The following CSMD1 variants were observed in gnomAD, a reference collection of about 807,000 sequenced individuals.
The protein encoded by CSMD1 is CUB and Sushi multiple domains 1.
CSMD1 carries 213 observed loss-of-function variants against 417.5 expected under a neutral mutation model. The ratio of observed to expected loss-of-function variants is 0.51; its 90% CI spans 0.46 to 0.57. The LOEUF (loss-of-function observed/expected upper bound fraction) is 0.57, where lower values mean the gene tolerates loss of function less well. Among genes scored for constraint, CSMD1 ranks in the 20% least tolerant of loss-of-function variants. The pLI is 0.00. For synonymous variants in CSMD1, 2,862 were observed against 1,736.8 expected (o/e 1.65, Z -16.11); for missense variants, 6,923 against 4,529.7 (o/e 1.53, Z -15.17).
At chr8:4,907,506 G>T (rs1266304186) in intron 1 of CSMD1, among the ~76,000 whole-genome samples, 1 of 118,566 alleles carries the variant, frequency 8.4e-6, no homozygotes, top group African/African-American at 2.6e-5. Context: ...CATCTTACTA[G>T]AATTAAATGG....
At position 4,041,285 on chromosome 8, in the gene CSMD1, G is replaced by C. The variant is rs1230171310; in HGVS notation, c.416-9186C>G. Among the ~76,000 whole-genome samples, 6 of 138,374 alleles carry C rather than the reference G, an allele frequency of 4.3e-5. No individual in the cohort carries two copies. The East Asian group carries it at 1.1e-3, about 25-fold the overall frequency. 90.8% of individuals were successfully genotyped at this position (138,374 alleles called of 152,430 possible). A position where few individuals can be genotyped will look rare whatever the true frequency, so the allele number is the denominator to read the frequency against. On this transcript the variant is annotated intron_variant, in intron 3 of 69. Coordinates refer to ENST00000635120, the MANE Select transcript of CSMD1 (RefSeq NM_033225.6). ...GCCCGCCTCGGCCTCCCAAAGTACG[G>C]GGATTACATGCGTGAGCCACCGCGC...
At chr8:3,254,737 C>T (rs918699380) in intron 26 of CSMD1, among the ~76,000 whole-genome samples, 5 of 152,112 alleles carry the variant, frequency 3.3e-5, no homozygotes, top group African/African-American at 9.7e-5. Context: ...CCTTTAAGGA[C>T]TTCTGTGCAT....
At chr8:4,093,538 C>T (rs560211644) in intron 3 of CSMD1, among the ~76,000 whole-genome samples, 2 of 152,222 alleles carry the variant, frequency 1.3e-5, no homozygotes, top group East Asian at 1.9e-4. Context: ...TTACATACTA[C>T]GAGTTTTCTC....
chr8:4,457,422 T>A (rs1799555588), intron 2 of CSMD1, among the ~76,000 whole-genome samples: 1 of 151,644 alleles, frequency 6.6e-6, no homozygotes, highest in South Asian at 2.1e-4. Context: ...CTCAGGGGAG[T>A]GACAGGGAAA....
intron 3 of CSMD1, among the ~76,000 whole-genome samples, chr8:4,152,204 A>G (rs944332181): frequency 1.3e-5 from 2 of 152,190 alleles, no homozygotes; most frequent in African/African-American, 4.8e-5. Context: ...TTTGGAGAAG[A>G]AGGAACACCA....
chr8:3,382,766 G>C (rs969320506), intron 18 of CSMD1, among the ~76,000 whole-genome samples: 1 of 151,448 alleles, frequency 6.6e-6, no homozygotes, highest in African/African-American at 2.4e-5. Flanking sequence ...ATATTACATG[G>C]AGAATGCAAC....
chr8:3,671,528 C>CATATATATAT (rs1278729666), intron 7 of CSMD1, among the ~76,000 whole-genome samples: 1 of 50,222 alleles, frequency 2.0e-5, no homozygotes, highest in Non-Finnish European at 4.5e-5. Context: ...TATATATGAT[C>CATATATATAT]ATATATATAT....
chr8:3,437,624 C>A (rs1439800480), intron 12 of CSMD1, among the ~76,000 whole-genome samples: 1 of 152,172 alleles, frequency 6.6e-6, no homozygotes, highest in African/African-American at 2.4e-5. Flanking sequence ...CTCTTCTTTA[C>A]ATAGAAGATG....
rs769404370 is a variant in CSMD1 at position 3,407,945 on chromosome 8, C to A, written c.2025G>T (p.Gln675His). The A allele has an allele frequency of 3.7e-6, 6 of 1,613,498 alleles. No individual in the cohort carries two copies. Among genetic ancestry groups the A allele is most frequent in the Admixed American group, 1.7e-5 (1 of 59,966 alleles). Residue 675 changes from glutamine (Q) to histidine (H), a missense_variant, in exon 14 of 70, where the codon CAG becomes CAT. Transcript: ENST00000635120. ...CTCTGCCAGTAGTGGAATGGTCAGA[C>A]TGAAATTCCAAGCGAACTATATGCC... is the stretch of plus-strand genomic sequence containing the variant. ...SSGHIVRLEF[Q>H]SDHSTTGRGF...
At chr8:4,197,232 C>G (rs1247350893) in intron 3 of CSMD1, among the ~76,000 whole-genome samples, 1 of 152,168 alleles carries the variant, frequency 6.6e-6, no homozygotes, top group Admixed American at 6.5e-5. Context: ...CTGAGTTATT[C>G]ACAGATAATT....
At chr8:3,435,189 C>A (rs1585160083) in intron 12 of CSMD1, among the ~76,000 whole-genome samples, 1 of 152,286 alleles carries the variant, frequency 6.6e-6, no homozygotes, top group Non-Finnish European at 1.5e-5. Context: ...GGCAAAAAAG[C>A]CCCTTGATAT....
At chr8:3,760,619 A>T (rs1403555075) in intron 5 of CSMD1, among the ~76,000 whole-genome samples, 1 of 152,232 alleles carries the variant, frequency 6.6e-6, no homozygotes, top group Non-Finnish European at 1.5e-5. Flanking sequence ...CATTTCGCGT[A>T]TGTGACTTGA....
Position 3,917,670 on chromosome 8 carries a change from T to TAC in CSMD1, c.818+80231_818+80232dup, listed in dbSNP as rs546525219. On this transcript the variant is annotated intron_variant, in intron 5 of 69. Transcript: ENST00000635120. ...GGTACGACTAACATGCAAAAAGTTG[T>TAC]ACACATGTAATGCCATGAACTAGAT... is the stretch of plus-strand genomic sequence containing the variant. 3.6e-4 allele frequency among the ~76,000 whole-genome samples: 55 copies of TAC among 152,262 alleles called. 1 individual carries two copies. The highest frequency in any genetic ancestry group is 1.3e-3 in the African/African-American group (52 of 41,562).
chr8:3,304,653 A>T (rs1250608360), intron 25 of CSMD1, among the ~76,000 whole-genome samples: 1 of 152,170 alleles, frequency 6.6e-6, no homozygotes, highest in African/African-American at 2.4e-5. Context: ...AAATATACGT[A>T]TACGAAGAAA....
chr8:3,946,996 G>T (rs983977832), intron 5 of CSMD1, among the ~76,000 whole-genome samples: 1 of 152,022 alleles, frequency 6.6e-6, no homozygotes, highest in Non-Finnish European at 1.5e-5. Context: ...AAATACGTTG[G>T]ATCTCATATT....
At chr8:4,195,697 G>A (rs1035062965) in intron 3 of CSMD1, among the ~76,000 whole-genome samples, 7 of 152,284 alleles carry the variant, frequency 4.6e-5, no homozygotes, top group African/African-American at 1.7e-4. Context: ...ATTCCACGCA[G>A]GGAGAAATTG....
At chr8:3,894,289 T>G (rs1807198539) in intron 5 of CSMD1, among the ~76,000 whole-genome samples, 1 of 152,166 alleles carries the variant, frequency 6.6e-6, no homozygotes, top group African/African-American at 2.4e-5. Context: ...CCTGTGCACC[T>G]GTCTCGCTCC....
At chr8:4,508,176 A>G (rs751622611) in intron 2 of CSMD1, among the ~76,000 whole-genome samples, 11 of 147,300 alleles carry the variant, frequency 7.5e-5, no homozygotes, top group African/African-American at 2.3e-4. Flanking sequence ...TTTTTTTTCA[A>G]TTCTGAGGAG....
chr8:3,093,095 C>T (rs1374545471), intron 47 of CSMD1, among the ~76,000 whole-genome samples: 1 of 152,110 alleles, frequency 6.6e-6, no homozygotes, highest in Non-Finnish European at 1.5e-5. Context: ...CAAATTTACA[C>T]ATTGAAGTCC....
Sources: allele counts gnomAD v4.1 joint callset (sites outside exome capture counted in the v4.1 genomes callset), GRCh38; gene constraint gnomAD v4.1.1; transcripts MANE v1.5; gene names NCBI Gene and HGNC (gene_info 2026-07-23, HGNC 2026-07-21).